The following ARHGAP42 variants were observed in gnomAD, a reference collection of about 807,000 sequenced individuals.
ARHGAP42 encodes the protein rho GTPase-activating protein 42.
Under a neutral mutation model 125.0 loss-of-function variants are expected in ARHGAP42, and 63 were observed. The ratio of observed to expected loss-of-function variants is 0.50; its 90% confidence interval spans 0.41 to 0.62. The LOEUF (loss-of-function observed/expected upper bound fraction) is 0.62. Among genes scored for constraint, ARHGAP42 ranks in the 20% least tolerant of loss-of-function variants. The pLI is 0.00. For missense variants in ARHGAP42, 766 were observed against 1,024.2 expected, an observed-to-expected ratio of 0.75 and a Z score of 3.44; for synonymous variants, 339 against 351.0, an observed-to-expected ratio of 0.97 and a Z score of 0.38.
At chr11:100,903,709 A>AAAAAAAAAATATATAT (rs1332890022) in intron 4 of ARHGAP42, among the ~76,000 whole-genome samples, 21 of 63,514 alleles carry the variant, frequency 3.3e-4, no homozygotes, top group African/African-American at 4.8e-4. Flanking sequence ...TGTCCCTCAA[A>AAAAAAAAAATATATAT]ATATATATAT....
intron 6 of ARHGAP42, among the ~76,000 whole-genome samples, chr11:100,931,044 A>G (rs1418307084): frequency 6.6e-6 from 1 of 152,192 alleles, no homozygotes; most frequent in Non-Finnish European, 1.5e-5. Context: ...GAAAGTCATT[A>G]TGTTTCCTAT....
chr11:100,706,549 T>C (rs1250654425), intron 1 of ARHGAP42, among the ~76,000 whole-genome samples: 1 of 152,222 alleles, frequency 6.6e-6, no homozygotes, highest in Non-Finnish European at 1.5e-5. Context: ...TTGATATTTG[T>C]ATTAAATAAT....
At chr11:100,984,814 T>G (rs1858632697) in intron 22 of ARHGAP42, among the ~76,000 whole-genome samples, 1 of 152,068 alleles carries the variant, frequency 6.6e-6, no homozygotes, top group Non-Finnish European at 1.5e-5. Context: ...ATACAATAGG[T>G]GACAGTGTTA....
chr11:100,708,022 C>G (rs1358806614), intron 1 of ARHGAP42, among the ~76,000 whole-genome samples: 1 of 152,204 alleles, frequency 6.6e-6, no homozygotes, highest in Non-Finnish European at 1.5e-5. Context: ...TGACCACCTA[C>G]TACACTTCAG....
intron 3 of ARHGAP42, among the ~76,000 whole-genome samples, chr11:100,833,311 G>C (rs1279569635): frequency 6.6e-6 from 1 of 152,154 alleles, no homozygotes; most frequent in Non-Finnish European, 1.5e-5. Context: ...TTTTAAATGT[G>C]CTATCCAGTA....
At position 100,725,932 on chromosome 11, in the gene ARHGAP42, C is replaced by A. The variant is rs867317835; in HGVS notation, c.154+38100C>A. On this transcript the variant is annotated intron_variant, in intron 1 of 23. Transcript: ENST00000298815. ...CCTGGGGGACAGAGTGAGACTCCGT[C>A]TCAAAAAAAAAAAAAAAAAGCCAGG... 3.4e-4 allele frequency among the ~76,000 whole-genome samples: 25 copies of A among 73,506 alleles called. 1 individual carries two copies. The South Asian group carries it at 9.2e-3, about 27-fold the overall frequency. 48.2% of individuals were successfully genotyped at this position (73,506 alleles called of 152,430 possible).
chr11:100,826,796 T>C (rs879365480), intron 3 of ARHGAP42, among the ~76,000 whole-genome samples: 2 of 152,172 alleles, frequency 1.3e-5, no homozygotes, highest in African/African-American at 2.4e-5. Context: ...TAATTCTTTC[T>C]GCTGCTCAGC....
intron 1 of ARHGAP42, 49 bp downstream of exon 1, chr11:100,687,881 G>T (rs1016926520): frequency 1.7e-5 from 25 of 1,494,228 alleles, no homozygotes; most frequent in Non-Finnish European, 1.8e-5. Context: ...GAGAGTCCCC[G>T]CGGGGTGCGG....
intron 6 of ARHGAP42, among the ~76,000 whole-genome samples, chr11:100,932,837 T>C (rs1486758268): frequency 6.6e-6 from 1 of 152,182 alleles, no homozygotes; most frequent in African/African-American, 2.4e-5. Flanking sequence ...CAGGGTGGGA[T>C]CTATGCTATT....
In ARHGAP42 at chr11:100,939,685, A is replaced by G. The variant is rs76350104; in HGVS notation, c.833-2099A>G. 8.3e-3 allele frequency among the ~76,000 whole-genome samples: 1,258 copies of G among 152,314 alleles called. 20 individuals carry two copies. The highest frequency in any genetic ancestry group is 0.028 in the African/African-American group (1,182 of 41,572). On this transcript the variant is annotated intron_variant, in intron 8 of 23. Coordinates refer to ENST00000298815, the MANE Select transcript of ARHGAP42 (RefSeq NM_152432.4). Reference sequence around the variant, plus strand: ...ATAATTAAACATCTTTTATTTTGCAACTTTAGAGCTGTAATCTATTTTTAT... The same window carrying G: ...ATAATTAAACATCTTTTATTTTGCAGCTTTAGAGCTGTAATCTATTTTTAT...
chr11:100,821,273 T>G (rs560697466), intron 3 of ARHGAP42, among the ~76,000 whole-genome samples: 2 of 151,962 alleles, frequency 1.3e-5, no homozygotes, highest in Non-Finnish European at 2.9e-5. Flanking sequence ...TCTAGGGCCC[T>G]TTCAGGTGGG....
At position 100,700,419 on chromosome 11, in the gene ARHGAP42, A is replaced by G. The variant is rs57341735; in HGVS notation, c.154+12587A>G. Among the ~76,000 whole-genome samples the G allele has an allele frequency of 8.4e-3, 1,278 of 152,342 alleles. 11 individuals carry two copies. Among genetic ancestry groups the G allele is most frequent in the African/African-American group, 0.029 (1,223 of 41,582 alleles). On this transcript the variant is annotated intron_variant, in intron 1 of 23. Transcript: ENST00000298815. ...CCCATTGATTGACTCTTCTTGCACAAAAGATTTCTCTATACCATGAAATGC... is the reference window on the plus strand; with the variant it reads ...CCCATTGATTGACTCTTCTTGCACAGAAGATTTCTCTATACCATGAAATGC...
At chr11:100,730,591 T>A (rs1178524683) in intron 1 of ARHGAP42, among the ~76,000 whole-genome samples, 2 of 152,240 alleles carry the variant, frequency 1.3e-5, no homozygotes, top group Non-Finnish European at 2.9e-5. Flanking sequence ...TGATTAAGCC[T>A]CATGCAAATG....
intron 3 of ARHGAP42, among the ~76,000 whole-genome samples, chr11:100,835,128 GA>G (rs1169932372): frequency 1.3e-5 from 2 of 151,886 alleles, no homozygotes; most frequent in African/African-American, 4.8e-5. Flanking sequence ...TGTTTTGCTG[GA>G]AAGCCCCATC....
At chr11:100,957,762 A>G (rs1352609389) in intron 12 of ARHGAP42, among the ~76,000 whole-genome samples, 1 of 152,124 alleles carries the variant, frequency 6.6e-6, no homozygotes, top group Non-Finnish European at 1.5e-5. Context: ...GACTCTCAGT[A>G]AGATGTCATT....
intron 3 of ARHGAP42, among the ~76,000 whole-genome samples, chr11:100,846,097 A>C (rs1308703578): frequency 6.6e-6 from 1 of 152,200 alleles, no homozygotes; most frequent in African/African-American, 2.4e-5. Flanking sequence ...TCCAGAAGTT[A>C]ATCTCATCCA....
intron 22 of ARHGAP42, among the ~76,000 whole-genome samples, chr11:100,982,678 C>T (rs978658672): frequency 6.6e-6 from 1 of 152,138 alleles, no homozygotes; most frequent in Non-Finnish European, 1.5e-5. Context: ...GCAAGCTATA[C>T]AAATATGTTT....
At chr11:100,763,819 T>C (rs1862766293) in intron 1 of ARHGAP42, among the ~76,000 whole-genome samples, 1 of 152,206 alleles carries the variant, frequency 6.6e-6, no homozygotes, top group Non-Finnish European at 1.5e-5. Flanking sequence ...TGTTTTATAA[T>C]GACCATTTTA....
chr11:100,721,624 C>T (rs543169013), intron 1 of ARHGAP42, among the ~76,000 whole-genome samples: 14 of 152,078 alleles, frequency 9.2e-5, no homozygotes, highest in East Asian at 5.8e-4. Flanking sequence ...AGGCACCCGC[C>T]GCCACGCCCA....
Sources: gnomAD v4.1 joint callset for allele counts (sites outside exome capture counted in the v4.1 genomes callset) on GRCh38, gnomAD v4.1.1 for gene constraint, MANE v1.5 for transcripts, NCBI Gene and HGNC (gene_info 2026-07-23, HGNC 2026-07-21) for gene names.